The following KAT14 variants were observed in gnomAD, a reference collection of about 807,000 sequenced individuals.
KAT14 encodes the protein cysteine-rich protein 2-binding protein.
A neutral mutation model predicts 78.4 loss-of-function variants in KAT14; 66 were observed. The ratio of observed to expected loss-of-function variants is 0.84; its 90% CI spans 0.69 to 1.03. The LOEUF (loss-of-function observed/expected upper bound fraction) is 1.03, where lower values mean the gene tolerates loss of function less well. Among genes scored for constraint, KAT14 ranks in the 50% least tolerant of loss-of-function variants. The probability of loss-of-function intolerance (pLI) is 0.00; values close to 1 mark genes in which losing one functional copy is unlikely to be tolerated. For missense variants in KAT14, 870 were observed against 972.5 expected (o/e 0.89, Z 1.40); for synonymous variants, 344 against 359.4 (o/e 0.96, Z 0.48).
chr20:18,162,280 G>A (rs3748511), intron 6 of KAT14, 41 bp downstream of exon 6: 624,855 of 1,612,062 alleles, frequency 0.39, 128,671 homozygotes, highest in Non-Finnish European at 0.43. Flanking sequence ...TTGGGTATGG[G>A]CCATGGTATA....
At chr20:18,183,372 A>G in intron 9 of KAT14, 74 bp downstream of exon 9, 1 of 1,473,160 alleles carries the variant, frequency 6.8e-7, no homozygotes, top group Non-Finnish European at 9.0e-7. Flanking sequence ...AAATTAGTTT[A>G]TGTGATATCC....
intron 7 of KAT14, among the ~76,000 whole-genome samples, chr20:18,179,315 C>T (rs2039164083): frequency 1.3e-5 from 2 of 152,194 alleles, no homozygotes. Flanking sequence ...CCAGTAGGGA[C>T]TCTGTGTGGG....
intron 7 of KAT14, among the ~76,000 whole-genome samples, chr20:18,173,625 C>CTT (rs11475865): frequency 7.1e-6 from 1 of 139,916 alleles, no homozygotes; most frequent in African/African-American, 2.6e-5. Context: ...ACCATTACTT[C>CTT]TTTTTTTTTT....
chr20:18,141,599 C>T (rs1465014952), intron 1 of KAT14, among the ~76,000 whole-genome samples: 1 of 152,150 alleles, frequency 6.6e-6, no homozygotes, highest in East Asian at 1.9e-4. Flanking sequence ...AAAAATTTAA[C>T]ATTGGCCGGG....
intron 7 of KAT14, among the ~76,000 whole-genome samples, chr20:18,168,174 A>G (rs1236627931): frequency 6.6e-6 from 1 of 152,212 alleles, no homozygotes; most frequent in Admixed American, 6.5e-5. Flanking sequence ...TTTTGAAATT[A>G]TGACTTCATT....
At chr20:18,137,293 T>TAA (rs577301367), upstream of KAT14, among the ~76,000 whole-genome samples, 674 of 131,004 alleles carry the variant, frequency 5.1e-3, 7 homozygotes, top group Non-Finnish European at 7.1e-3. Flanking sequence ...TGTATCAAAA[T>TAA]TATAATAATA....
intron 5 of KAT14, among the ~76,000 whole-genome samples, chr20:18,159,947 T>C (rs779851749): frequency 6.6e-6 from 1 of 152,240 alleles, no homozygotes; most frequent in Non-Finnish European, 1.5e-5. Context: ...ACAGTCTCGC[T>C]TTGTTGCCCA....
At chr20:18,167,239 G>A (rs1034054513) in intron 7 of KAT14, among the ~76,000 whole-genome samples, 1 of 152,186 alleles carries the variant, frequency 6.6e-6, no homozygotes. Context: ...ATTTTAGCGG[G>A]TTCTGTAGTA....
intron 3 of KAT14, among the ~76,000 whole-genome samples, chr20:18,146,139 T>G (rs1343250941): frequency 6.6e-6 from 1 of 152,228 alleles, no homozygotes; most frequent in East Asian, 1.9e-4. Flanking sequence ...AACAATAGCT[T>G]TTTGCTGATC....
intron 7 of KAT14, among the ~76,000 whole-genome samples, chr20:18,179,421 G>A (rs1157818234): frequency 6.6e-6 from 1 of 152,234 alleles, no homozygotes; most frequent in Admixed American, 6.5e-5. Flanking sequence ...GCATCCAGGT[G>A]TTTCCATACA....
chr20:18,179,359 C>T (rs969442172), intron 7 of KAT14, among the ~76,000 whole-genome samples: 1 of 152,224 alleles, frequency 6.6e-6, no homozygotes, highest in African/African-American at 2.4e-5. Flanking sequence ...CTGCACTGCC[C>T]TAGCAGAGAT....
chr20:18,178,111 A>ACAAAAAAC (rs1555803988), intron 7 of KAT14, among the ~76,000 whole-genome samples: 5 of 151,080 alleles, frequency 3.3e-5, no homozygotes, highest in African/African-American at 9.8e-5. Context: ...CTATCTCAAA[A>ACAAAAAAC]AAAAAACAAA....
At position 18,162,477 on chromosome 20, in the gene KAT14, AAAG is replaced by A. The variant is rs752355792; in HGVS notation, c.1204_1206del (p.Lys402del). On this transcript the variant is annotated inframe_deletion, in exon 7 of 11. Coordinates refer to ENST00000688188, the MANE Select transcript of KAT14 (RefSeq NM_001392073.1). The stretch of plus-strand genomic sequence containing the variant: ...CTTCTGGGCCAGTGGTTGGGGTCAG[AAAG>A]AAGGTCAGAGGCCCTGAACAGATAA... 3 of 1,614,084 alleles carry A rather than the reference AAAG, an allele frequency of 1.9e-6. No homozygotes were observed. The highest frequency in any genetic ancestry group is 1.7e-5 in the Admixed American group (1 of 60,000).
At position 18,159,268 on chromosome 20, in the gene KAT14, A is replaced by G; in HGVS notation, c.682+3A>G. 1.2e-6 allele frequency: 2 copies of G among 1,613,512 alleles called. No homozygotes were observed. On this transcript the variant is annotated splice_donor_region_variant and intron_variant, in intron 5 of 10. Transcript: ENST00000688188. Reference sequence around the variant, plus strand: ...TGCCTCTACTTTGAAAATAAAAGGTACTGTTGTGAGAACAGTACAAAAGTT... The same window carrying G: ...TGCCTCTACTTTGAAAATAAAAGGTGCTGTTGTGAGAACAGTACAAAAGTT...
intron 4 of KAT14, among the ~76,000 whole-genome samples, chr20:18,157,877 G>A (rs1478083782): frequency 6.6e-6 from 1 of 152,194 alleles, no homozygotes. Flanking sequence ...ATTAGAAAAA[G>A]ATAAGAATGT....
intron 7 of KAT14, among the ~76,000 whole-genome samples, chr20:18,175,204 G>A (rs1478419407): frequency 6.6e-6 from 1 of 152,096 alleles, no homozygotes; most frequent in East Asian, 1.9e-4. Context: ...GAACCTCCCA[G>A]GACCTCTCGC....
chr20:18,182,836 C>G (rs989171361), intron 8 of KAT14, among the ~76,000 whole-genome samples: 2 of 152,164 alleles, frequency 1.3e-5, no homozygotes, highest in Admixed American at 6.5e-5. Context: ...ATCCTCATGT[C>G]TGACTCCTTG....
chr20:18,143,116 A>G (rs562825031), intron 2 of KAT14, 197 bp downstream of exon 2: 200 of 1,332,682 alleles, frequency 1.5e-4, no homozygotes, highest in Non-Finnish European at 1.8e-4. Context: ...CCTCTATCAC[A>G]TTGTTAAATT....
rs138460630 is a variant in KAT14 at position 18,185,650 on chromosome 20, A to G, written c.2172+858A>G. Among the ~76,000 whole-genome samples the G allele has an allele frequency of 6.6e-3, 1,007 of 152,350 alleles. 14 individuals carry two copies. The highest frequency in any genetic ancestry group is 0.023 in the African/African-American group (954 of 41,574). ...TGAAGAAAATACACCATATATCACCATCAAAAAACATGCAAGGATTTTTTT... is the reference window on the plus strand; with the variant it reads ...TGAAGAAAATACACCATATATCACCGTCAAAAAACATGCAAGGATTTTTTT... On this transcript the variant is annotated intron_variant, in intron 10 of 10. Coordinates refer to ENST00000688188, the MANE Select transcript of KAT14 (RefSeq NM_001392073.1).
Sources: gnomAD v4.1 joint callset for allele counts (sites outside exome capture counted in the v4.1 genomes callset) on GRCh38, gnomAD v4.1.1 for gene constraint, MANE v1.5 for transcripts, NCBI Gene and HGNC (gene_info 2026-07-23, HGNC 2026-07-21) for gene names.